The following LRP1B variants were observed in gnomAD, a reference collection of about 807,000 sequenced individuals.
LRP1B encodes the protein LDL receptor related protein 1B, also known as low-density lipoprotein receptor-related protein 1B.
LRP1B carries 217 observed loss-of-function variants against 556.6 expected under a neutral mutation model. That is an observed-to-expected ratio of 0.39 (90% CI 0.35 to 0.44). LRP1B has a LOEUF of 0.44. Among genes scored for constraint, LRP1B ranks in the 20% least tolerant of loss-of-function variants. LRP1B has a pLI of 1.00. For missense variants in LRP1B, 5,053 were observed against 5,620.8 expected, an observed-to-expected ratio of 0.90 and a Z score of 3.23; for synonymous variants, 2,047 against 1,865.8, an observed-to-expected ratio of 1.10 and a Z score of -2.50.
chr2:140,280,733 T>C (rs1366182463), intron 84 of LRP1B, among the ~76,000 whole-genome samples: 10 of 151,808 alleles, frequency 6.6e-5, no homozygotes, highest in African/African-American at 1.9e-4. Context: ...TTCCTTCCTA[T>C]TGAGCATTCC....
intron 35 of LRP1B, among the ~76,000 whole-genome samples, chr2:140,762,890 G>A (rs1053973217): frequency 6.6e-6 from 1 of 151,942 alleles, no homozygotes; most frequent in African/African-American, 2.4e-5. Flanking sequence ...CTTAAAATGG[G>A]AAGAAAAGCA....
At chr2:140,849,702 G>C (rs909966909) in intron 29 of LRP1B, among the ~76,000 whole-genome samples, 2 of 151,808 alleles carry the variant, frequency 1.3e-5, no homozygotes, top group Non-Finnish European at 2.9e-5. Flanking sequence ...ACCACATTTG[G>C]CTAATTTTGT....
intron 41 of LRP1B, 139 bp from the exon 42 acceptor site, chr2:140,601,778 G>A (rs1409883703): frequency 1.8e-6 from 1 of 541,888 alleles, no homozygotes; most frequent in East Asian, 3.1e-5. Context: ...AAATAAAAAT[G>A]CAGTCATTGT....
chr2:140,728,558 A>G (rs1317179776), intron 35 of LRP1B, among the ~76,000 whole-genome samples: 2 of 152,210 alleles, frequency 1.3e-5, no homozygotes, highest in Non-Finnish European at 2.9e-5. Context: ...TTTCAGTAAG[A>G]AAAAAGCAGA....
chr2:140,248,150 T>G lies in LRP1B; in HGVS notation c.13248-988A>C, dbSNP rs1573680531. 2.0e-5 allele frequency among the ~76,000 whole-genome samples: 3 copies of G among 151,856 alleles called. No homozygotes were observed. In the Admixed American group the frequency reaches 2.0e-4, roughly 10 times the overall value. ...CATAGCCAATTTTGATATCTGAGGC[T>G]GCTTCCTGAGCTAAGCTTCTACGAT... On this transcript the variant is annotated intron_variant, in intron 86 of 90. Transcript: ENST00000389484.
At chr2:141,061,041 G>C (rs1699320287) in intron 8 of LRP1B, among the ~76,000 whole-genome samples, 1 of 151,678 alleles carries the variant, frequency 6.6e-6, no homozygotes, top group African/African-American at 2.4e-5. Flanking sequence ...AATAAGTAAA[G>C]AGAAGGGCCA....
intron 17 of LRP1B, among the ~76,000 whole-genome samples, chr2:140,986,422 G>A (rs548304293): frequency 2.8e-4 from 42 of 152,166 alleles, no homozygotes; most frequent in African/African-American, 9.1e-4. Context: ...ATTGAATTTG[G>A]CCAAATCACC....
At chr2:140,297,159 A>T (rs1388472856) in intron 84 of LRP1B, among the ~76,000 whole-genome samples, 2 of 152,144 alleles carry the variant, frequency 1.3e-5, no homozygotes, top group African/African-American at 4.8e-5. Flanking sequence ...AGACAAGTAC[A>T]TGGGCATAGG....
chr2:141,114,397 G>T (rs759951546), intron 7 of LRP1B, among the ~76,000 whole-genome samples: 2 of 152,188 alleles, frequency 1.3e-5, no homozygotes, highest in Non-Finnish European at 2.9e-5. Flanking sequence ...TGAATTCAGG[G>T]ATTTTACTGA....
At chr2:141,367,665 G>A (rs1261124309) in intron 3 of LRP1B, among the ~76,000 whole-genome samples, 2 of 151,234 alleles carry the variant, frequency 1.3e-5, no homozygotes, top group Admixed American at 6.6e-5. Context: ...TATACTTTTA[G>A]TAGAGACAGA....
intron 7 of LRP1B, among the ~76,000 whole-genome samples, chr2:141,068,086 C>A (rs995739336): frequency 2.0e-5 from 3 of 151,916 alleles, no homozygotes; most frequent in Admixed American, 6.6e-5. Context: ...TACTTGGAAG[C>A]CCAAATGCCA....
At chr2:140,684,834 G>A (rs941152099) in intron 41 of LRP1B, among the ~76,000 whole-genome samples, 6 of 152,120 alleles carry the variant, frequency 3.9e-5, no homozygotes, top group African/African-American at 7.2e-5. Flanking sequence ...CCCAAGATGC[G>A]AGGGGTTGGA....
intron 66 of LRP1B, among the ~76,000 whole-genome samples, chr2:140,395,017 T>C (rs1262909155): frequency 6.6e-6 from 1 of 152,210 alleles, no homozygotes; most frequent in Non-Finnish European, 1.5e-5. Flanking sequence ...ACATCTACTC[T>C]ATCCACTCCT....
chr2:141,640,815 A>T (rs1451503869), intron 2 of LRP1B, among the ~76,000 whole-genome samples: 1 of 152,094 alleles, frequency 6.6e-6, no homozygotes, highest in Admixed American at 6.5e-5. Flanking sequence ...ATAAGAAAAA[A>T]AAAAATACAG....
At chr2:140,297,470 A>G (rs1033436181) in intron 84 of LRP1B, among the ~76,000 whole-genome samples, 2 of 152,058 alleles carry the variant, frequency 1.3e-5, no homozygotes, top group African/African-American at 4.8e-5. Flanking sequence ...GCATTCGCCT[A>G]TGGGATGTCA....
intron 60 of LRP1B, among the ~76,000 whole-genome samples, chr2:140,466,143 T>G (rs1573970154): frequency 6.9e-6 from 1 of 145,164 alleles, no homozygotes; most frequent in African/African-American, 2.5e-5. Context: ...TTTTTTTTGG[T>G]GGGCTACAGT....
chr2:140,290,721 T>C (rs552943822), intron 84 of LRP1B, among the ~76,000 whole-genome samples: 2 of 152,254 alleles, frequency 1.3e-5, no homozygotes, highest in East Asian at 3.9e-4. Context: ...AGATTAAAGT[T>C]CCTATTAGTG....
At chr2:140,870,481 T>A (rs1220265578) in intron 25 of LRP1B, among the ~76,000 whole-genome samples, 1 of 152,150 alleles carries the variant, frequency 6.6e-6, no homozygotes, top group Non-Finnish European at 1.5e-5. Context: ...ATGGCTCCCA[T>A]GTACACTTGC....
intron 53 of LRP1B, 74 bp downstream of exon 53, chr2:140,506,722 T>A (rs538272794): frequency 1.3e-6 from 2 of 1,499,940 alleles, no homozygotes; most frequent in South Asian, 2.5e-5. Context: ...GTTGCTTTAG[T>A]TTTTTATTTA....
Sources: gnomAD v4.1 joint callset for allele counts (sites outside exome capture counted in the v4.1 genomes callset) on GRCh38, gnomAD v4.1.1 for gene constraint, MANE v1.5 for transcripts, NCBI Gene and HGNC (gene_info 2026-07-23, HGNC 2026-07-21) for gene names.